RAB31: variants seen among roughly 807,000 people sequenced by gnomAD.
RAB31 encodes the protein RAB31, member RAS oncogene family.
Under a neutral mutation model 25.6 loss-of-function variants are expected in RAB31, and 21 were observed. The observed-to-expected ratio is 0.82, with a 90% CI of 0.58 to 1.18. The LOEUF is 1.18. RAB31 is among the 50% of genes most tolerant of loss of function. The pLI, the probability that RAB31 is intolerant of heterozygous loss-of-function variation, is 0.00. For missense variants in RAB31, 196 were observed against 250.1 expected (o/e 0.78, Z 1.46); for synonymous variants, 87 against 84.0 (o/e 1.04, Z -0.20).
chr18:9,730,861 G>C (rs1371435504), intron 1 of RAB31, among the ~76,000 whole-genome samples: 1 of 152,180 alleles, frequency 6.6e-6, no homozygotes, highest in South Asian at 2.1e-4. Context: ...TATGTGATGA[G>C]TTTGGGGGAA....
At chr18:9,776,944 C>T (rs1484507866) in intron 2 of RAB31, among the ~76,000 whole-genome samples, 1 of 152,100 alleles carries the variant, frequency 6.6e-6, no homozygotes, top group African/African-American at 2.4e-5. Flanking sequence ...ACATGACGCT[C>T]AAAGGTAATA....
At chr18:9,809,370 C>T (rs1042444485) in intron 3 of RAB31, among the ~76,000 whole-genome samples, 1 of 149,960 alleles carries the variant, frequency 6.7e-6, no homozygotes, top group Admixed American at 6.7e-5. Context: ...ATAAATACTA[C>T]TTGAAAAAAA....
chr18:9,769,181 C>CT (rs1308441387), intron 1 of RAB31, among the ~76,000 whole-genome samples: 3 of 152,098 alleles, frequency 2.0e-5, no homozygotes, highest in African/African-American at 7.2e-5. Flanking sequence ...TATACGGGCT[C>CT]TTTTTTTGTT....
At chr18:9,773,642 A>G (rs1266265292) in intron 1 of RAB31, among the ~76,000 whole-genome samples, 5 of 152,010 alleles carry the variant, frequency 3.3e-5, no homozygotes, top group Non-Finnish European at 7.4e-5. Context: ...TGAAATTTTA[A>G]TTTCTGCCAT....
rs373979992 is a variant in RAB31, at chr18:9,745,675, GA to G, written c.40-29598del. The stretch of plus-strand genomic sequence containing the variant: ...AATACACCATATTAATAGAAAGAGG[GA>G]AAAACACCACCTGATCCTTTCAATT... On this transcript the variant is annotated intron_variant, in intron 1 of 6. Coordinates refer to ENST00000578921, the MANE Select transcript of RAB31 (RefSeq NM_006868.4). Among the ~76,000 whole-genome samples, 37 of 152,248 alleles carry G rather than the reference GA, an allele frequency of 2.4e-4. No individual in the cohort carries two copies. In the East Asian group the frequency reaches 6.6e-3, roughly 27 times the overall value.
rs369031976 is a variant in RAB31, at chr18:9,857,640, TATAGATAG to T, written c.491-1549_491-1542del. ...AATGAATACACTAACTAGCCAATAA[TATAGATAG>T]ATAGATAGATAGATAGATAGATAGA... On this transcript the variant is annotated intron_variant, in intron 6 of 6. Transcript: ENST00000578921. 3.2e-3 allele frequency among the ~76,000 whole-genome samples: 415 copies of T among 129,290 alleles called. 4 individuals are homozygous for T. The highest frequency in any genetic ancestry group is 0.011 in the Middle Eastern group (3 of 264). 84.8% of individuals were successfully genotyped at this position (129,290 alleles called of 152,430 possible). A position where few individuals can be genotyped will look rare whatever the true frequency, so the allele number is the denominator to read the frequency against.
rs1281656248 is a variant in RAB31, at chr18:9,774,738, A to G, written c.40-540A>G. Reference sequence around the variant, plus strand: ...TAAAGAATTATTTAAGAGAGAAAGAACTGAGACAAGACCATTATATAATTA... The same window carrying G: ...TAAAGAATTATTTAAGAGAGAAAGAGCTGAGACAAGACCATTATATAATTA... On this transcript the variant is annotated intron_variant, in intron 1 of 6. Coordinates refer to ENST00000578921, the MANE Select transcript of RAB31 (RefSeq NM_006868.4). 1.2e-5 allele frequency: 5 copies of G among 415,032 alleles called. No homozygotes were observed. In the Admixed American group the frequency reaches 1.6e-4, roughly 13 times the overall value. 25.7% of individuals were successfully genotyped at this position (415,032 alleles called of 1,614,324 possible).
At chr18:9,790,911 G>A (rs1405543433) in intron 2 of RAB31, among the ~76,000 whole-genome samples, 2 of 152,198 alleles carry the variant, frequency 1.3e-5, no homozygotes, top group East Asian at 1.9e-4. Flanking sequence ...TGTCATAAAA[G>A]TCAAGGCTAT....
intron 3 of RAB31, among the ~76,000 whole-genome samples, chr18:9,802,035 A>AT (rs1433432337): frequency 2.6e-5 from 4 of 151,994 alleles, no homozygotes; most frequent in African/African-American, 7.3e-5. Context: ...TTTGATATAC[A>AT]TTTTTTCTCC....
chr18:9,845,333 T>C (rs2068755827), intron 5 of RAB31, among the ~76,000 whole-genome samples: 1 of 152,378 alleles, frequency 6.6e-6, no homozygotes, highest in Admixed American at 6.5e-5. Context: ...CCTGCTGTTC[T>C]GGAATTCTTC....
At chr18:9,790,104 A>G (rs901168529) in intron 2 of RAB31, among the ~76,000 whole-genome samples, 4 of 152,232 alleles carry the variant, frequency 2.6e-5, no homozygotes, top group African/African-American at 9.7e-5. Flanking sequence ...CCCAGGGTCC[A>G]TCTCCTAATA....
chr18:9,773,998 C>T (rs761774930), intron 1 of RAB31, among the ~76,000 whole-genome samples: 2 of 152,020 alleles, frequency 1.3e-5, no homozygotes, highest in Non-Finnish European at 1.5e-5. Context: ...GTATTCTCAA[C>T]GATCTTTTAA....
At chr18:9,804,377 G>C (rs1205517452) in intron 3 of RAB31, among the ~76,000 whole-genome samples, 1 of 152,156 alleles carries the variant, frequency 6.6e-6, no homozygotes, top group Non-Finnish European at 1.5e-5. Context: ...CTAATTATGA[G>C]GCACTGTCTG....
At chr18:9,817,519 A>C (rs1398093719) in intron 5 of RAB31, among the ~76,000 whole-genome samples, 1 of 152,154 alleles carries the variant, frequency 6.6e-6, no homozygotes, top group Non-Finnish European at 1.5e-5. Flanking sequence ...CTAAAATGCC[A>C]GGGAGGAATT....
At chr18:9,852,197 A>G (rs1473378106) in intron 6 of RAB31, among the ~76,000 whole-genome samples, 1 of 152,174 alleles carries the variant, frequency 6.6e-6, no homozygotes, top group East Asian at 1.9e-4. Flanking sequence ...TGTGCTCACC[A>G]CCTGTATTAT....
chr18:9,716,947 G>T (rs2068047932), intron 1 of RAB31, among the ~76,000 whole-genome samples: 1 of 110,464 alleles, frequency 9.1e-6, no homozygotes, highest in African/African-American at 3.4e-5. Context: ...TTTTGGTAGA[G>T]ATGGGGTCTT....
intron 1 of RAB31, among the ~76,000 whole-genome samples, chr18:9,735,790 T>C (rs2068148165): frequency 6.6e-6 from 1 of 152,202 alleles, no homozygotes; most frequent in Non-Finnish European, 1.5e-5. Flanking sequence ...GAATTTTTCT[T>C]TCATTATCAT....
At chr18:9,715,051 C>T (rs1301784189) in intron 1 of RAB31, among the ~76,000 whole-genome samples, 1 of 152,146 alleles carries the variant, frequency 6.6e-6, no homozygotes, top group Admixed American at 6.5e-5. Flanking sequence ...GGATCTGGTC[C>T]CTGCCTGGGA....
intron 2 of RAB31, among the ~76,000 whole-genome samples, chr18:9,790,085 C>G (rs1470064513): frequency 1.3e-5 from 2 of 152,196 alleles, no homozygotes; most frequent in African/African-American, 4.8e-5. Context: ...GACTCTTTAC[C>G]CCGAAAACCC....
Sources: allele counts gnomAD v4.1 joint callset (sites outside exome capture counted in the v4.1 genomes callset), GRCh38; gene constraint gnomAD v4.1.1; transcripts MANE v1.5; gene names NCBI Gene and HGNC (gene_info 2026-07-23, HGNC 2026-07-21).